The following DMD variants were observed in gnomAD, a reference collection of about 807,000 sequenced individuals.
The protein encoded by DMD is dystrophin, also known as mutant dystrophin.
A neutral mutation model predicts 330.1 loss-of-function variants in DMD; 63 were observed. The observed-to-expected ratio is 0.19, with a 90% CI of 0.16 to 0.24. The LOEUF is 0.24. Ranked by LOEUF, DMD falls within the 10% of genes least tolerant of loss-of-function variation. The probability of loss-of-function intolerance (pLI) is 1.00; values close to 1 mark genes in which losing one functional copy is unlikely to be tolerated. For synonymous variants in DMD, 1,223 were observed against 959.8 expected (o/e 1.27, Z -5.07); for missense variants, 3,344 against 2,684.1 (o/e 1.25, Z -5.43).
intron 15 of DMD, among the ~76,000 whole-genome samples, chrX:32,572,795 T>G (rs2052576091): frequency 9.0e-6 from 1 of 111,102 alleles, no homozygotes; most frequent in African/African-American, 3.3e-5. Flanking sequence ...TAGGGCCTGG[T>G]GGGAGGTGAT....
chrX:32,328,106 A>G (rs910153087), intron 41 of DMD, among the ~76,000 whole-genome samples: 3 of 111,627 alleles, frequency 2.7e-5, no homozygotes, highest in African/African-American at 9.7e-5. Flanking sequence ...GGAAATAAAG[A>G]ATGTGAAAAA....
In DMD at chrX:31,394,954, A is replaced by AGAGAGAGAGAGAGAGG. The variant is rs1237038686; in HGVS notation, c.9085-46321_9085-46320insCCTCTCTCTCTCTCTC. ...AGAGAAGGGTGAGAGAGAGAGAGAGAGAGAGAGACCAAGTGTGGTGAGAAG... is the reference window on the plus strand; with the variant it reads ...AGAGAAGGGTGAGAGAGAGAGAGAGAGAGAGAGAGAGAGAGGGAGAGAGACCAAGTGTGGTGAGAAG... On this transcript the variant is annotated intron_variant, in intron 60 of 78. Transcript: ENST00000357033. 1.8e-5 allele frequency among the ~76,000 whole-genome samples: 2 copies of AGAGAGAGAGAGAGAGG among 109,161 alleles called. 1 individual carries two copies. Among genetic ancestry groups the AGAGAGAGAGAGAGAGG allele is most frequent in the Non-Finnish European group, 3.8e-5 (2 of 52,502 alleles). 94.8% of individuals were successfully genotyped at this position (109,161 alleles called of 115,157 possible).
intron 17 of DMD, among the ~76,000 whole-genome samples, chrX:32,544,848 A>G (rs1285121640): frequency 2.9e-5 from 3 of 103,810 alleles, no homozygotes; most frequent in South Asian, 4.1e-4. Context: ...TATAAGGAAG[A>G]AAAAAAAAAA....
chrX:33,187,778 A>G lies in DMD; in HGVS notation c.31+23504T>C, dbSNP rs190482466. Among the ~76,000 whole-genome samples the G allele has an allele frequency of 1.4e-4, 16 of 111,833 alleles. No individual in the cohort carries two copies. The East Asian group carries it at 4.5e-3, about 31-fold the overall frequency. ...TGTTGTTGTTGTTTTCTGCATATATAGAAAATTGGTAGATTTTATACATGT... is the reference window on the plus strand; with the variant it reads ...TGTTGTTGTTGTTTTCTGCATATATGGAAAATTGGTAGATTTTATACATGT... On this transcript the variant is annotated intron_variant, in intron 1 of 78. Transcript: ENST00000357033.
intron 9 of DMD, among the ~76,000 whole-genome samples, chrX:32,663,532 G>C (rs1373830803): frequency 8.9e-6 from 1 of 111,771 alleles, no homozygotes. Flanking sequence ...ATAGAGAAGA[G>C]CTTGAAAATC....
At position 31,323,547 on chromosome X, in the gene DMD, C is replaced by T. The variant is rs755840094; in HGVS notation, c.9224+51G>A. 5 of 1,022,903 alleles carry T rather than the reference C, an allele frequency of 4.9e-6. No homozygotes were observed. In the South Asian group the frequency reaches 9.7e-5, roughly 20 times the overall value. 84.3% of individuals were successfully genotyped at this position (1,022,903 alleles called of 1,213,427 possible). A position where few individuals can be genotyped will look rare whatever the true frequency, so the allele number is the denominator to read the frequency against. On this transcript the variant is annotated intron_variant, in intron 62 of 78. Coordinates refer to ENST00000357033, the MANE Select transcript of DMD (RefSeq NM_004006.3). The stretch of plus-strand genomic sequence containing the variant: ...AAAAATAAACTCACTTGTGAATATA[C>T]AGGTTAGTCACAATAAATGCTCTTT...
chrX:33,010,036 A>G (rs1266064146), intron 2 of DMD, among the ~76,000 whole-genome samples: 1 of 56,804 alleles, frequency 1.8e-5, no homozygotes, highest in Non-Finnish European at 3.5e-5. Flanking sequence ...GTACATGTGT[A>G]TATACACATG....
chrX:31,396,481 G>T (rs2060945599), intron 60 of DMD, among the ~76,000 whole-genome samples: 1 of 106,431 alleles, frequency 9.4e-6, no homozygotes, highest in African/African-American at 3.4e-5. Context: ...GTGTGCACTT[G>T]TACTGAGTAA....
At position 32,432,565 on chromosome X, in the gene DMD, C is replaced by A. The variant is rs182739383; in HGVS notation, c.4071+5676G>T. ...AGAACAGAAGTCAGCCCTATCACAA[C>A]AACTGTGAAGTAAGCTAATCAAATC... On this transcript the variant is annotated intron_variant, in intron 29 of 78. Transcript: ENST00000357033. Among the ~76,000 whole-genome samples the A allele has an allele frequency of 1.6e-3, 177 of 112,138 alleles. 1 individual carries two copies. The highest frequency in any genetic ancestry group is 5.7e-3 in the African/African-American group (175 of 30,881).
intron 46 of DMD, among the ~76,000 whole-genome samples, chrX:31,930,019 A>C (rs893485109): frequency 4.9e-4 from 55 of 111,306 alleles, no homozygotes; most frequent in African/African-American, 1.5e-3. Context: ...CAACACTCCA[A>C]ATAAAGTTAG....
chrX:32,558,987 G>C (rs1033761419), intron 16 of DMD, among the ~76,000 whole-genome samples: 7 of 79,701 alleles, frequency 8.8e-5, no homozygotes, highest in Non-Finnish European at 4.3e-5. Context: ...GTCTCGCTCT[G>C]TCATCCCGGC....
Position 32,012,255 on chromosome X carries a change from G to C in DMD, c.6439-43741C>G, listed in dbSNP as rs764995058. Reference sequence around the variant, plus strand: ...AAGGGATTATTGTAAGGTTTGAGGTGAGACGATAAGGGAGTCTCTGGGGAA... The same window carrying C: ...AAGGGATTATTGTAAGGTTTGAGGTCAGACGATAAGGGAGTCTCTGGGGAA... On this transcript the variant is annotated intron_variant, in intron 44 of 78. Coordinates refer to ENST00000357033, the MANE Select transcript of DMD (RefSeq NM_004006.3). Among the ~76,000 whole-genome samples the C allele has an allele frequency of 2.8e-4, 32 of 112,288 alleles. No homozygotes were observed. The South Asian group carries it at 0.012, about 40-fold the overall frequency.
At chrX:33,304,406 A>ACACCTACCCCGCAAC (rs2053719572) in intron 1 of DMD, among the ~76,000 whole-genome samples, 1 of 111,397 alleles carries the variant, frequency 9.0e-6, no homozygotes, top group Admixed American at 9.6e-5. Flanking sequence ...ACCTTATACA[A>ACACCTACCCCGCAAC]AAATTAATTC....
intron 48 of DMD, among the ~76,000 whole-genome samples, chrX:31,864,961 G>A (rs1356928640): frequency 8.9e-6 from 1 of 112,218 alleles, no homozygotes; most frequent in Non-Finnish European, 1.9e-5. Flanking sequence ...TAGTGAAGAA[G>A]AAGGTCAGGT....
At chrX:32,171,554 T>C (rs2096887777) in intron 44 of DMD, among the ~76,000 whole-genome samples, 1 of 111,952 alleles carries the variant, frequency 8.9e-6, no homozygotes, top group Admixed American at 9.5e-5. Context: ...ATTTAAACTT[T>C]GTTGAACTCA....
chrX:32,442,656 C>T (rs2098286144), intron 27 of DMD, among the ~76,000 whole-genome samples: 2 of 110,685 alleles, frequency 1.8e-5, no homozygotes, highest in South Asian at 7.6e-4. Context: ...TATGTGCATC[C>T]TCAGAGAAAC....
At chrX:33,190,858 TA>T (rs1160699863) in intron 1 of DMD, among the ~76,000 whole-genome samples, 4 of 8,938 alleles carry the variant, frequency 4.5e-4, no homozygotes, top group African/African-American at 7.0e-4. Flanking sequence ...ATATAATATA[TA>T]ATATTATATA....
intron 55 of DMD, among the ~76,000 whole-genome samples, chrX:31,523,324 T>G (rs889765635): frequency 9.0e-6 from 1 of 111,114 alleles, no homozygotes; most frequent in African/African-American, 3.3e-5. Context: ...TTCACGGGCT[T>G]CTGCTACTGC....
chrX:31,380,940 T>G (rs1425776749), intron 60 of DMD, among the ~76,000 whole-genome samples: 1 of 110,804 alleles, frequency 9.0e-6, no homozygotes, highest in Non-Finnish European at 1.9e-5. Context: ...CTCGGCATAA[T>G]TCTCATAAAA....
Sources: gnomAD v4.1 joint callset for allele counts (sites outside exome capture counted in the v4.1 genomes callset) on GRCh38, gnomAD v4.1.1 for gene constraint, MANE v1.5 for transcripts, NCBI Gene and HGNC (gene_info 2026-07-23, HGNC 2026-07-21) for gene names.